Variants in ACSL4 observed in about 807,000 individuals in gnomAD.
ACSL4 encodes the protein long-chain-fatty-acid--CoA ligase 4.
A neutral mutation model predicts 49.1 loss-of-function variants in ACSL4; 9 were observed. The observed-to-expected ratio is 0.18, with a 90% CI of 0.11 to 0.32. The LOEUF is 0.32. ACSL4 is among the 10% of genes least tolerant of loss of function. ACSL4 has a pLI of 1.00. For missense variants in ACSL4, 333 were observed against 493.7 expected (o/e 0.67, Z 3.08); for synonymous variants, 191 against 170.3 (o/e 1.12, Z -0.95).
chrX:109,728,851 T>C lies in ACSL4; in HGVS notation c.-66+4288A>G, dbSNP rs777446530. Among the ~76,000 whole-genome samples, 14 of 110,781 alleles carry C rather than the reference T, an allele frequency of 1.3e-4. 3 individuals are homozygous for C. In the South Asian group the frequency reaches 1.5e-3, roughly 12 times the overall value. ...CTCTGTGAAATTCCCTGTGAAGAGG[T>C]TGGAAAGACAAGCTACAGACTGGGA... On this transcript the variant is annotated intron_variant, in intron 1 of 15. Transcript: ENST00000672401.
At chrX:109,717,363 G>A (rs1045435026) in intron 1 of ACSL4, among the ~76,000 whole-genome samples, 2 of 110,302 alleles carry the variant, frequency 1.8e-5, no homozygotes, top group African/African-American at 6.6e-5. Flanking sequence ...GGGCAAGGTG[G>A]CGGGCACCTG....
chrX:109,682,733 T>C lies in ACSL4; in HGVS notation c.392A>G (p.Lys131Arg). The change falls in exon 4 of 16, where the codon AAG becomes AGG. Residue 131 changes from lysine to arginine, a missense_variant. Lys to Arg is a conservative substitution (Grantham distance 26). This residue lies in a region of ACSL4 where 157 missense variants were observed against 201.1 expected (regional missense o/e 0.78). Transcript: ENST00000672401. Reference sequence around the variant, plus strand: ...AAGGCACTTACGAGGAAAGTTGTACTTAAAGCAGGTCTGTGCTGCAATCAT... The same window carrying C: ...AAGGCACTTACGAGGAAAGTTGTACCTAAAGCAGGTCTGTGCTGCAATCAT... ...EWMIAAQTCF[K>R]YNFPLVTLYA... 8.3e-7 allele frequency: 1 copy of C among 1,211,753 alleles called. No individual in the cohort carries two copies.
chrX:109,645,076 G>A (rs966101448), intron 15 of ACSL4, among the ~76,000 whole-genome samples: 3 of 112,967 alleles, frequency 2.7e-5, no homozygotes, highest in Non-Finnish European at 5.6e-5. Context: ...AAACTGCAAG[G>A]TGGCAGGGAG....
chrX:109,698,826 C>A (rs1470566478), intron 1 of ACSL4, among the ~76,000 whole-genome samples: 3 of 112,244 alleles, frequency 2.7e-5, no homozygotes, highest in Non-Finnish European at 5.6e-5. Context: ...AGACAACCCT[C>A]ATATTTGGGG....
intron 1 of ACSL4, among the ~76,000 whole-genome samples, chrX:109,725,247 AT>A (rs34867628): frequency 0.41 from 34,278 of 83,994 alleles, 6,720 homozygotes; most frequent in Middle Eastern, 0.58. Flanking sequence ...ACACCCAGCT[AT>A]TTTTTTTTTT....
intron 1 of ACSL4, among the ~76,000 whole-genome samples, chrX:109,719,162 C>T (rs373363208): frequency 1.8e-5 from 2 of 112,205 alleles, no homozygotes; most frequent in East Asian, 5.5e-4. Flanking sequence ...CTCTGTAAAA[C>T]GTGTTAGGAA....
At chrX:109,687,489 C>A (rs1224181502) in intron 2 of ACSL4, among the ~76,000 whole-genome samples, 1 of 111,799 alleles carries the variant, frequency 8.9e-6, no homozygotes, top group Non-Finnish European at 1.9e-5. Context: ...GAAAACTTAA[C>A]ACTGCATGTT....
intron 9 of ACSL4, among the ~76,000 whole-genome samples, chrX:109,674,075 G>A (rs777095343): frequency 1.8e-5 from 2 of 111,065 alleles, no homozygotes; most frequent in Non-Finnish European, 3.8e-5. Context: ...TTAATTAAGA[G>A]ATTAAACAAG....
At chrX:109,656,715 T>C (rs1921675711) in intron 15 of ACSL4, among the ~76,000 whole-genome samples, 1 of 109,448 alleles carries the variant, frequency 9.1e-6, no homozygotes, top group Non-Finnish European at 1.9e-5. Context: ...AAACTATATA[T>C]ACTTGTTATA....
chrX:109,677,538 G>C, intron 8 of ACSL4, among the ~76,000 whole-genome samples: 1 of 110,505 alleles, frequency 9.0e-6, no homozygotes, highest in Non-Finnish European at 1.9e-5. Flanking sequence ...CAGCACTTTG[G>C]GAGGCCGAGG....
chrX:109,702,419 T>A lies in ACSL4; in HGVS notation c.-65-6223A>T, dbSNP rs750858994. On this transcript the variant is annotated intron_variant, in intron 1 of 15. Coordinates refer to ENST00000672401, the MANE Select transcript of ACSL4 (RefSeq NM_001318510.2). Reference sequence around the variant, plus strand: ...ATCATTTGAAAGATCAGAATGAACATCCCTATCAATATACTTATGCTAGTG... The same window carrying A: ...ATCATTTGAAAGATCAGAATGAACAACCCTATCAATATACTTATGCTAGTG... 9.8e-5 allele frequency among the ~76,000 whole-genome samples: 11 copies of A among 112,006 alleles called. No homozygotes were observed. The South Asian group carries it at 4.2e-3, about 42-fold the overall frequency.
At chrX:109,646,011 T>C (rs1267205238) in intron 15 of ACSL4, among the ~76,000 whole-genome samples, 1 of 111,715 alleles carries the variant, frequency 9.0e-6, no homozygotes, top group African/African-American at 3.3e-5. Context: ...CCAAGAAATA[T>C]GGGACTATGT....
chrX:109,733,094 G>T, intron 1 of ACSL4, 45 bp downstream of exon 1: 1 of 329,678 alleles, frequency 3.0e-6, no homozygotes, highest in Non-Finnish European at 5.9e-6. Flanking sequence ...GTACCGACAG[G>T]GCAGGGGTGC....
chrX:109,679,005 CCTCAGTTT>C (rs1395117376), intron 6 of ACSL4, among the ~76,000 whole-genome samples: 1 of 111,507 alleles, frequency 9.0e-6, no homozygotes, highest in Non-Finnish European at 1.9e-5. Context: ...ACTTCTTAGG[CCTCAGTTT>C]CTCATCTCTA....
chrX:109,686,939 T>C (rs1364002560), intron 2 of ACSL4, among the ~76,000 whole-genome samples: 1 of 111,678 alleles, frequency 9.0e-6, no homozygotes, highest in African/African-American at 3.3e-5. Flanking sequence ...TATATAGATA[T>C]AAAAACACAA....
At chrX:109,702,408 C>G (rs1490600569) in intron 1 of ACSL4, among the ~76,000 whole-genome samples, 1 of 111,744 alleles carries the variant, frequency 8.9e-6, no homozygotes, top group African/African-American at 3.3e-5. Context: ...TTTGAAAGAT[C>G]AGAATGAACA....
At chrX:109,697,459 C>G (rs1925528161) in intron 1 of ACSL4, among the ~76,000 whole-genome samples, 1 of 111,221 alleles carries the variant, frequency 9.0e-6, no homozygotes, top group African/African-American at 3.3e-5. Context: ...TTAATTTTCT[C>G]TTTGCTACCA....
At chrX:109,730,994 G>A (rs1277779831) in intron 1 of ACSL4, among the ~76,000 whole-genome samples, 2 of 111,591 alleles carry the variant, frequency 1.8e-5, no homozygotes, top group Non-Finnish European at 3.8e-5. Flanking sequence ...AAAAGCCATG[G>A]ACATTTAAAA....
intron 1 of ACSL4, among the ~76,000 whole-genome samples, chrX:109,709,351 C>T (rs1926584623): frequency 8.9e-6 from 1 of 112,290 alleles, no homozygotes; most frequent in Non-Finnish European, 1.9e-5. Context: ...GGACCAAATA[C>T]TCAAACTTCA....
Sources: allele counts gnomAD v4.1 joint callset (sites outside exome capture counted in the v4.1 genomes callset), GRCh38; gene constraint gnomAD v4.1.1; regional missense constraint gnomAD v4.1.1; transcripts MANE v1.5; gene names NCBI Gene and HGNC (gene_info 2026-07-23, HGNC 2026-07-21).